LTBP4: variants seen among roughly 807,000 people sequenced by gnomAD.
LTBP4 encodes the protein latent-transforming growth factor beta-binding protein 4.
In LTBP4, 93 loss-of-function variants were observed where a neutral mutation model predicts 180.2. The observed-to-expected ratio is 0.52, with a 90% CI of 0.44 to 0.61. The LOEUF is 0.61. LTBP4 is among the 20% of genes least tolerant of loss of function. The probability of loss-of-function intolerance (pLI) is 0.00; values close to 1 mark genes in which losing one functional copy is unlikely to be tolerated. For missense variants in LTBP4, 2,116 were observed against 2,256.5 expected (o/e 0.94, Z 1.26); for synonymous variants, 947 against 934.5 (o/e 1.01, Z -0.24).
rs1568414495 is a variant in LTBP4, at chr19:40,625,293, TATATATATATATATATA to T, written c.3833-563_3833-547del. On this transcript the variant is annotated intron_variant, in intron 26 of 29. Coordinates refer to ENST00000396819, the MANE Select transcript of LTBP4 (RefSeq NM_001042545.2). Reference sequence around the variant, plus strand: ...ATATATATATATATATATATATATATATATATATATATATATATATATATTTTTTTTTTTAAAGATGG... The same window carrying T: ...ATATATATATATATATATATATATATTATATATTTTTTTTTTTAAAGATGG... Among the ~76,000 whole-genome samples the T allele has an allele frequency of 7.0e-4, 9 of 12,828 alleles. 2 individuals carry two copies. The African/African-American group carries it at 7.9e-3, about 11-fold the overall frequency. 8.4% of individuals were successfully genotyped at this position (12,828 alleles called of 152,430 possible). A position where few individuals can be genotyped will look rare whatever the true frequency, so the allele number is the denominator to read the frequency against.
In LTBP4 at chr19:40,611,760, AGAAGGCAGGCTCAAGACTG is replaced by A. The variant is rs2081507989; in HGVS notation, c.2054-95_2054-77del. ...AGAGGGAGCAGCCTGAGGCAAGTCC[AGAAGGCAGGCTCAAGACTG>A]GAATGCTGGGGTGGGTGGTGATGGC... On this transcript the variant is annotated intron_variant, in intron 13 of 29. Transcript: ENST00000396819. This position sits in a 1 kb window ranked among gnomAD's most constrained non-coding sequence, Gnocchi z 4.4. The A allele has an allele frequency of 2.0e-6, 3 of 1,492,070 alleles. No individual in the cohort carries two copies. The South Asian group carries it at 4.0e-5, about 20-fold the overall frequency. 92.4% of individuals were successfully genotyped at this position (1,492,070 alleles called of 1,614,324 possible).
intron 22 of LTBP4, among the ~76,000 whole-genome samples, 196 bp downstream of exon 22, chr19:40,619,689 TTTCA>T (rs1342087082): frequency 6.6e-6 from 1 of 152,240 alleles, no homozygotes; most frequent in Non-Finnish European, 1.5e-5. Flanking sequence ...TACCAGATTC[TTTCA>T]TTCAACAAAT....
intron 19 of LTBP4, among the ~76,000 whole-genome samples, chr19:40,614,688 C>T (rs1414778613): frequency 6.6e-6 from 1 of 152,210 alleles, no homozygotes; most frequent in Non-Finnish European, 1.5e-5. Context: ...GAAGCCCGGT[C>T]CACATTTTAG....
intron 1 of LTBP4, among the ~76,000 whole-genome samples, chr19:40,604,359 C>T (rs146027250): frequency 6.6e-6 from 1 of 151,838 alleles, no homozygotes; most frequent in East Asian, 1.9e-4. Flanking sequence ...CAGAGTTGGG[C>T]GGGGAGTTAT....
upstream of LTBP4, chr19:40,600,063 C>A (rs746706737): frequency 1.7e-5 from 22 of 1,259,172 alleles, no homozygotes; most frequent in Non-Finnish European, 2.0e-5. The surrounding 1 kb of genome is among the most constrained non-coding windows in gnomAD (Gnocchi z 4.4). Flanking sequence ...TCCTCTCCCA[C>A]CCAGGCTCCA....
At position 40,617,142 on chromosome 19, in the gene LTBP4, C is replaced by T. The variant is rs1268672100; in HGVS notation, c.2987C>T (p.Ala996Val). The change falls in exon 21 of 30, where the codon GCC becomes GTC. Residue 996 changes from alanine to valine, a missense_variant. Around this residue, in one of 5 missense-constraint regions of LTBP4, gnomAD observed 278 missense variants for 373.0 expected, o/e 0.75. Coordinates refer to ENST00000396819, the MANE Select transcript of LTBP4 (RefSeq NM_001042545.2). ...AACCGGTCCTTCTGCGGTGCCCACGCCGTGTGCCAGAACCTGCCCGGCTCC... is the reference window on the plus strand; with the variant it reads ...AACCGGTCCTTCTGCGGTGCCCACGTCGTGTGCCAGAACCTGCCCGGCTCC... ...CRNRSFCGAH[A>V]VCQNLPGSFQ... 6.2e-7 allele frequency: 1 copy of T among 1,613,868 alleles called. No individual in the cohort carries two copies. Among genetic ancestry groups the T allele is most frequent in the Non-Finnish European group, 8.5e-7 (1 of 1,179,890 alleles).
In LTBP4 at chr19:40,610,320, C is replaced by T. The variant is rs1443948146; in HGVS notation, c.1685-212C>T. 1.0e-5 allele frequency: 6 copies of T among 592,246 alleles called. No homozygotes were observed. In the East Asian group the frequency reaches 1.7e-4, roughly 17 times the overall value. 36.7% of individuals were successfully genotyped at this position (592,246 alleles called of 1,614,324 possible). A position where few individuals can be genotyped will look rare whatever the true frequency, so the allele number is the denominator to read the frequency against. On this transcript the variant is annotated intron_variant, in intron 11 of 29. Transcript: ENST00000396819. ...ACCCCACCTTCCCTTAGCTTGGTCC[C>T]CAAAGCTCTCCTTTCTGCCCTTGCG...
At position 40,610,260 on chromosome 19, in the gene LTBP4, C is replaced by G. The variant is rs1869712; in HGVS notation, c.1685-272C>G. The G allele has an allele frequency of 0.44, 227,174 of 521,854 alleles. 51,520 individuals are homozygous for G. Among genetic ancestry groups the G allele is most frequent in the African/African-American group, 0.58 (29,796 of 51,592 alleles). The allele number at this position is 521,854 out of a possible 1,614,324, so 32.3% of individuals were successfully genotyped here. ...ATTCCAACCCTGCCACACCAGAGCC[C>G]TATCCCCAAACTGCTCCTTTCTTCT... On this transcript the variant is annotated intron_variant, in intron 11 of 29. Coordinates refer to ENST00000396819, the MANE Select transcript of LTBP4 (RefSeq NM_001042545.2).
chr19:40,607,668 C>A, intron 7 of LTBP4, 139 bp downstream of exon 7: 3 of 930,018 alleles, frequency 3.2e-6, no homozygotes, highest in Non-Finnish European at 4.7e-6. Context: ...CCTCTGAGAC[C>A]CGCAGGCCTC....
At chr19:40,608,158 G>A in intron 7 of LTBP4, 62 bp from the exon 8 acceptor site, 1 of 1,586,520 alleles carries the variant, frequency 6.3e-7, no homozygotes, top group Non-Finnish European at 8.6e-7. Flanking sequence ...CCAGAGTCTG[G>A]GCTGGCCATC....
chr19:40,625,520 C>T lies in LTBP4; in HGVS notation c.3833-337C>T, dbSNP rs141174180. On this transcript the variant is annotated intron_variant, in intron 26 of 29. Coordinates refer to ENST00000396819, the MANE Select transcript of LTBP4 (RefSeq NM_001042545.2). ...TTCCTGTGCCTTCAGCACTTACCCC[C>T]ATACAGTGAGATGTCAGACAATGCT... 9.2e-5 allele frequency among the ~76,000 whole-genome samples: 14 copies of T among 151,672 alleles called. No homozygotes were observed. In the East Asian group the frequency reaches 2.7e-3, roughly 30 times the overall value.
Position 40,629,748 on chromosome 19 carries a change from C to A in LTBP4, c.*198C>A. 1 of 454,312 alleles carries A rather than the reference C, an allele frequency of 2.2e-6. No homozygotes were observed. The highest frequency in any genetic ancestry group is 3.5e-6 in the Non-Finnish European group (1 of 286,524). 28.1% of individuals were successfully genotyped at this position (454,312 alleles called of 1,614,324 possible). A position where few individuals can be genotyped will look rare whatever the true frequency, so the allele number is the denominator to read the frequency against. On this transcript the variant is annotated 3_prime_UTR_variant, in exon 30 of 30. Transcript: ENST00000396819. The surrounding 1 kb of genome is among the most constrained non-coding windows in gnomAD (Gnocchi z 4.5). Reference sequence around the variant, plus strand: ...TCCCACTGATGTCGTGGTCCCGGGCCTGGCCCAGGGGCCCCTTTACATGCC... The same window carrying A: ...TCCCACTGATGTCGTGGTCCCGGGCATGGCCCAGGGGCCCCTTTACATGCC...
intron 19 of LTBP4, among the ~76,000 whole-genome samples, chr19:40,616,038 G>A (rs1363863870): frequency 6.6e-6 from 1 of 152,200 alleles, no homozygotes; most frequent in Non-Finnish European, 1.5e-5. Context: ...CAGCCATGCA[G>A]AGAGCTGAGG....
upstream of LTBP4, among the ~76,000 whole-genome samples, chr19:40,598,923 C>A (rs765733626): frequency 6.6e-6 from 1 of 152,148 alleles, no homozygotes; most frequent in Non-Finnish European, 1.5e-5. Context: ...TTTTAAAAGG[C>A]TTTAAAATAA....
At chr19:40,606,562 C>T (rs1250845945) in intron 6 of LTBP4, 36 bp downstream of exon 6, 1 of 1,539,072 alleles carries the variant, frequency 6.5e-7, no homozygotes, top group Non-Finnish European at 8.8e-7. Context: ...CTGGGTCCCG[C>T]CCTCCCTGCC....
intron 18 of LTBP4, 54 bp downstream of exon 18, chr19:40,614,092 C>T (rs1599869284): frequency 3.1e-6 from 5 of 1,599,610 alleles, no homozygotes; most frequent in Admixed American, 1.7e-5. Flanking sequence ...CCCGACTCGC[C>T]GATTGGCCTC....
At chr19:40,597,662 G>C (rs2081398294), upstream of LTBP4, among the ~76,000 whole-genome samples, 1 of 151,996 alleles carries the variant, frequency 6.6e-6, no homozygotes, top group Non-Finnish European at 1.5e-5. Context: ...TGGGGCAGGG[G>C]GTGGGGGGCT....
In LTBP4 at chr19:40,601,549, T is replaced by C. The variant is rs779607246; in HGVS notation, c.162T>C (p.Cys54=). ...RCVHGPTGSR[C]TPTCAPRNAT... is the part of the protein sequence containing the mutation. Reference sequence around the variant, plus strand: ...TCCATGGGCCGACCGGCTCCCGCTGTACCCCGACCTGCGCGCCCCGCAACG... The same window carrying C: ...TCCATGGGCCGACCGGCTCCCGCTGCACCCCGACCTGCGCGCCCCGCAACG... The change falls in exon 1 of 30, where the codon TGT becomes TGC. Residue 54 remains cysteine (C), a synonymous_variant. Transcript: ENST00000396819. 3 of 1,480,402 alleles carry C rather than the reference T, an allele frequency of 2.0e-6. No individual in the cohort carries two copies. In the South Asian group the frequency reaches 3.8e-5, roughly 19 times the overall value. 91.7% of individuals were successfully genotyped at this position (1,480,402 alleles called of 1,614,324 possible). A position where few individuals can be genotyped will look rare whatever the true frequency, so the allele number is the denominator to read the frequency against.
chr19:40,609,438 T>C lies in LTBP4; in HGVS notation c.1427-92T>C. The C allele has an allele frequency of 6.6e-7, 1 of 1,523,460 alleles. No individual in the cohort carries two copies. The highest frequency in any genetic ancestry group is 9.0e-7 in the Non-Finnish European group (1 of 1,116,194). The allele number at this position is 1,523,460 out of a possible 1,614,324, so 94.4% of individuals were successfully genotyped here. On this transcript the variant is annotated intron_variant, in intron 9 of 29. Transcript: ENST00000396819. The surrounding 1 kb of genome is among the most constrained non-coding windows in gnomAD (Gnocchi z 4.9). ...GGGGAGGAGACATCCATGAAGGTGT[T>C]TTATGGATGTCTCCGGGGGTGGGGG... is the stretch of plus-strand genomic sequence containing the variant.
Sources: allele counts gnomAD v4.1 joint callset (sites outside exome capture counted in the v4.1 genomes callset), GRCh38; gene constraint gnomAD v4.1.1; regional missense constraint gnomAD v4.1.1; non-coding constraint Gnocchi (gnomAD v3.1); transcripts MANE v1.5; gene names NCBI Gene and HGNC (gene_info 2026-07-23, HGNC 2026-07-21).